The following WWOX variants were observed in gnomAD, a reference collection of about 807,000 sequenced individuals.
WWOX encodes the protein WW domain containing oxidoreductase, also known as WW domain-containing oxidoreductase.
Under a neutral mutation model 46.2 loss-of-function variants are expected in WWOX, and 69 were observed. That is an observed-to-expected ratio of 1.49 (90% CI 1.23 to 1.82). The LOEUF is 1.82. Ranked by LOEUF, WWOX falls within the 40% of genes most tolerant of loss-of-function variation. The pLI, the probability that WWOX is intolerant of heterozygous loss-of-function variation, is 0.00. For synonymous variants in WWOX, 359 were observed against 202.6 expected, an observed-to-expected ratio of 1.77 and a Z score of -6.56; for missense variants, 919 against 542.6, an observed-to-expected ratio of 1.69 and a Z score of -6.89.
chr16:78,744,960 G>A (rs902763610), intron 8 of WWOX, among the ~76,000 whole-genome samples: 4 of 152,216 alleles, frequency 2.6e-5, no homozygotes, highest in East Asian at 1.9e-4. Context: ...TTCAGGCTGC[G>A]CTAAGCTGAC....
intron 8 of WWOX, among the ~76,000 whole-genome samples, chr16:79,133,281 C>T (rs1207917736): frequency 6.6e-6 from 1 of 152,186 alleles, no homozygotes; most frequent in African/African-American, 2.4e-5. Flanking sequence ...GATCACAGCC[C>T]TTTACTTTCG....
chr16:78,605,669 C>G (rs999298949), intron 8 of WWOX, among the ~76,000 whole-genome samples: 1 of 152,178 alleles, frequency 6.6e-6, no homozygotes, highest in Non-Finnish European at 1.5e-5. Context: ...ACAACTCCGC[C>G]TCTCGTGCTT....
intron 5 of WWOX, among the ~76,000 whole-genome samples, chr16:78,213,006 C>G (rs913531556): frequency 1.3e-5 from 2 of 152,034 alleles, no homozygotes; most frequent in Non-Finnish European, 2.9e-5. Context: ...CACCTGTAAT[C>G]CCAGCAACTT....
intron 8 of WWOX, among the ~76,000 whole-genome samples, chr16:78,800,636 G>A (rs374830779): frequency 3.1e-4 from 47 of 152,288 alleles, no homozygotes; most frequent in Non-Finnish European, 1.2e-4. Context: ...GGCAGCTGAC[G>A]GCCAAAGGGG....
intron 8 of WWOX, among the ~76,000 whole-genome samples, chr16:78,726,008 T>C (rs2048823089): frequency 6.6e-6 from 1 of 150,596 alleles, no homozygotes; most frequent in African/African-American, 2.4e-5. Flanking sequence ...CTTCTTCTTC[T>C]CTTTGTTCTC....
At chr16:79,109,442 G>A (rs913722049) in intron 8 of WWOX, among the ~76,000 whole-genome samples, 3 of 152,136 alleles carry the variant, frequency 2.0e-5, no homozygotes, top group African/African-American at 7.2e-5. Flanking sequence ...TTACTTTAGG[G>A]CATAGGGAAG....
intron 5 of WWOX, chr16:78,237,488 C>T (rs2037480428): frequency 6.6e-6 from 1 of 152,116 alleles, no homozygotes; most frequent in East Asian, 1.9e-4. Context: ...GCTCCTATCC[C>T]TCTGATCCAG....
chr16:78,859,737 A>G (rs551491400), intron 8 of WWOX, among the ~76,000 whole-genome samples: 133 of 152,330 alleles, frequency 8.7e-4, no homozygotes, highest in Non-Finnish European at 1.7e-3. Context: ...GCTGGCAAAC[A>G]GAACACTAAT....
At chr16:78,758,165 G>C (rs79763065) in intron 8 of WWOX, among the ~76,000 whole-genome samples, 3 of 151,986 alleles carry the variant, frequency 2.0e-5, no homozygotes, top group Non-Finnish European at 4.4e-5. Flanking sequence ...TATTTCCATC[G>C]TAAAGGGAAG....
Position 79,092,021 on chromosome 16 carries a change from T to G in WWOX, c.1057-119587T>G, listed in dbSNP as rs530625729. Among the ~76,000 whole-genome samples, 6 of 152,188 alleles carry G rather than the reference T, an allele frequency of 3.9e-5. No individual in the cohort carries two copies. In the East Asian group the frequency reaches 9.7e-4, roughly 25 times the overall value. On this transcript the variant is annotated intron_variant, in intron 8 of 8. Transcript: ENST00000566780. ...GTCTCGATCTCTTGACCTCGTGATC[T>G]TTTCTCGCCTCGGCCTCCCAAAGTG...
At chr16:78,490,667 C>G (rs193242841) in intron 8 of WWOX, among the ~76,000 whole-genome samples, 1 of 152,170 alleles carries the variant, frequency 6.6e-6, no homozygotes, top group Non-Finnish European at 1.5e-5. Context: ...AAAGCACCCA[C>G]GTGAATGTTG....
chr16:78,870,756 C>T (rs1348949076), intron 8 of WWOX, among the ~76,000 whole-genome samples: 1 of 152,180 alleles, frequency 6.6e-6, no homozygotes, highest in African/African-American at 2.4e-5. Context: ...TGCATGCCAC[C>T]ATGCCCAGCT....
intron 4 of WWOX, among the ~76,000 whole-genome samples, chr16:78,132,928 C>A (rs2033653799): frequency 6.6e-6 from 1 of 152,176 alleles, no homozygotes. Flanking sequence ...AGTATTTGAA[C>A]ATGAAGTAGA....
At chr16:78,909,802 G>A (rs7184180) in intron 8 of WWOX, among the ~76,000 whole-genome samples, 140,683 of 152,262 alleles carry the variant, frequency 0.92, 66,025 homozygotes, top group East Asian at 1. Flanking sequence ...CAGGAAAACA[G>A]TGATATGAGA....
chr16:78,611,763 C>G (rs1038399519), intron 8 of WWOX, among the ~76,000 whole-genome samples: 2 of 152,170 alleles, frequency 1.3e-5, no homozygotes, highest in African/African-American at 4.8e-5. Flanking sequence ...CTGCTCTGAT[C>G]TCACTCCAGT....
At chr16:78,964,836 G>A (rs1335227047) in intron 8 of WWOX, among the ~76,000 whole-genome samples, 2 of 152,192 alleles carry the variant, frequency 1.3e-5, no homozygotes, top group Admixed American at 6.5e-5. Context: ...GGGACTTGGT[G>A]CCCTGTGTCC....
chr16:78,239,336 G>T (rs1429172779), intron 5 of WWOX, among the ~76,000 whole-genome samples: 1 of 152,150 alleles, frequency 6.6e-6, no homozygotes, highest in Non-Finnish European at 1.5e-5. Context: ...AAAGAAAGCA[G>T]GGTGGTCCTC....
At chr16:78,923,440 A>G (rs1282130083) in intron 8 of WWOX, among the ~76,000 whole-genome samples, 2 of 152,102 alleles carry the variant, frequency 1.3e-5, no homozygotes, top group African/African-American at 4.8e-5. Context: ...CTATTTTTTG[A>G]GCCTACCTTT....
intron 6 of WWOX, among the ~76,000 whole-genome samples, chr16:78,411,364 G>C (rs1052953956): frequency 7.2e-5 from 11 of 152,100 alleles, no homozygotes; most frequent in African/African-American, 2.4e-4. Flanking sequence ...GCTAATCAAC[G>C]TGTTGATTAG....
Sources: allele counts gnomAD v4.1 joint callset (sites outside exome capture counted in the v4.1 genomes callset), GRCh38; gene constraint gnomAD v4.1.1; transcripts MANE v1.5; gene names NCBI Gene and HGNC (gene_info 2026-07-23, HGNC 2026-07-21).